Variants in CATSPER3 observed in about 807,000 individuals in gnomAD.
The protein encoded by CATSPER3 is cation channel sperm associated 3.
A neutral mutation model predicts 36.6 loss-of-function variants in CATSPER3; 23 were observed. The ratio of observed to expected loss-of-function variants is 0.63; its 90% confidence interval spans 0.45 to 0.89. The LOEUF (loss-of-function observed/expected upper bound fraction) is 0.89, where lower values mean the gene tolerates loss of function less well. CATSPER3 is among the 40% of genes least tolerant of loss of function. CATSPER3 has a pLI of 0.00. For missense variants in CATSPER3, 474 were observed against 503.9 expected, an observed-to-expected ratio of 0.94 and a Z score of 0.57; for synonymous variants, 172 against 184.1, an observed-to-expected ratio of 0.93 and a Z score of 0.53.
intron 2 of CATSPER3, among the ~76,000 whole-genome samples, chr5:134,993,380 T>C (rs1477569482): frequency 6.6e-6 from 1 of 152,176 alleles, no homozygotes; most frequent in Non-Finnish European, 1.5e-5. Context: ...CTGGAAATGG[T>C]AGTAATAGTT....
chr5:134,981,944 A>G (rs566239408), intron 2 of CATSPER3, among the ~76,000 whole-genome samples: 9 of 152,336 alleles, frequency 5.9e-5, no homozygotes, highest in Admixed American at 2.6e-4. Flanking sequence ...AGCCTGGCCA[A>G]TGTGGTGAAA....
At chr5:134,993,757 G>A (rs1039264690) in intron 2 of CATSPER3, among the ~76,000 whole-genome samples, 2 of 152,278 alleles carry the variant, frequency 1.3e-5, no homozygotes, top group Non-Finnish European at 2.9e-5. Flanking sequence ...CATTGTCTTA[G>A]TTTAAAATTT....
intron 2 of CATSPER3, among the ~76,000 whole-genome samples, chr5:134,991,977 C>A (rs1325608288): frequency 6.6e-6 from 1 of 151,946 alleles, no homozygotes; most frequent in Non-Finnish European, 1.5e-5. Flanking sequence ...CAAAAATTAG[C>A]CAGGTGTGGT....
intron 2 of CATSPER3, among the ~76,000 whole-genome samples, chr5:134,979,941 CATTTCCCACCCTT>C (rs1751728974): frequency 1.4e-5 from 2 of 139,450 alleles, no homozygotes; most frequent in South Asian, 4.7e-4. Flanking sequence ...CTCCCACCCT[CATTTCCCACCCTT>C]CCCTCCCTCC....
intron 2 of CATSPER3, among the ~76,000 whole-genome samples, chr5:134,988,198 C>T (rs1009930828): frequency 7.2e-5 from 11 of 152,120 alleles, no homozygotes; most frequent in Non-Finnish European, 1.5e-4. Flanking sequence ...TAAAAAATGC[C>T]AACAATCATC....
intron 2 of CATSPER3, among the ~76,000 whole-genome samples, chr5:134,992,113 C>T (rs992256440): frequency 1.3e-5 from 2 of 150,386 alleles, no homozygotes; most frequent in Non-Finnish European, 3.0e-5. Context: ...CAGAGCAAGA[C>T]CCTGTTTTGA....
At chr5:134,968,241 G>T (rs1185578016) in intron 1 of CATSPER3, 152 bp downstream of exon 1, 1 of 673,522 alleles carries the variant, frequency 1.5e-6, no homozygotes, top group African/African-American at 1.8e-5. Context: ...TCTATGATTG[G>T]TGAGGCTGGC....
chr5:135,005,223 C>G lies in CATSPER3; in HGVS notation c.493-2734C>G, dbSNP rs1227809540. On this transcript the variant is annotated intron_variant, in intron 3 of 7. Coordinates refer to ENST00000282611, the MANE Select transcript of CATSPER3 (RefSeq NM_178019.3). ...CCTGATTAGAAGGCAAAGGCTCCTG[C>G]TGGCCAAGGGCTGTATCCCAGAGCA... Among the ~76,000 whole-genome samples, 6 of 152,352 alleles carry G rather than the reference C, an allele frequency of 3.9e-5. No homozygotes were observed. The East Asian group carries it at 1.2e-3, about 29-fold the overall frequency.
intron 2 of CATSPER3, 67 bp from the exon 3 acceptor site, chr5:134,996,206 G>T: frequency 7.5e-6 from 12 of 1,609,158 alleles, no homozygotes; most frequent in Non-Finnish European, 1.0e-5. Flanking sequence ...GCTCACGCAG[G>T]GAGCAGGCCA....
chr5:134,972,659 T>C (rs1254281659), intron 2 of CATSPER3, among the ~76,000 whole-genome samples: 5 of 151,736 alleles, frequency 3.3e-5, no homozygotes, highest in Admixed American at 2.0e-4. Context: ...AAAAATCCAG[T>C]GTAATGACAA....
At chr5:135,009,817 A>C (rs1447688577) in intron 6 of CATSPER3, among the ~76,000 whole-genome samples, 1 of 152,194 alleles carries the variant, frequency 6.6e-6, no homozygotes, top group African/African-American at 2.4e-5. Flanking sequence ...GATGCCAGGC[A>C]GCCATGGCCC....
At chr5:135,009,792 C>G (rs1752155732) in intron 6 of CATSPER3, among the ~76,000 whole-genome samples, 1 of 152,232 alleles carries the variant, frequency 6.6e-6, no homozygotes, top group Non-Finnish European at 1.5e-5. Context: ...GAGGCTTCTT[C>G]TTGGGGACTC....
At chr5:134,986,353 A>G (rs1481333695) in intron 2 of CATSPER3, among the ~76,000 whole-genome samples, 3 of 151,982 alleles carry the variant, frequency 2.0e-5, no homozygotes, top group African/African-American at 4.8e-5. Context: ...CATGTTGGTC[A>G]GGCTGGTCTC....
chr5:134,988,333 GACA>G lies in CATSPER3; in HGVS notation c.253-7935_253-7933del, dbSNP rs201025249. On this transcript the variant is annotated intron_variant, in intron 2 of 7. Transcript: ENST00000282611. ...TGTCTGTGGCAATTTCTTAAAATAAGACAACAAGGAAGTTTGCCACATCAATTG... is the reference window on the plus strand; with the variant it reads ...TGTCTGTGGCAATTTCTTAAAATAAGACAAGGAAGTTTGCCACATCAATTG... Among the ~76,000 whole-genome samples the G allele has an allele frequency of 6.5e-3, 997 of 152,218 alleles. 14 individuals carry two copies. The highest frequency in any genetic ancestry group is 0.022 in the African/African-American group (901 of 41,544).
intron 3 of CATSPER3, among the ~76,000 whole-genome samples, chr5:134,997,914 T>C (rs1040191054): frequency 6.6e-6 from 1 of 152,164 alleles, no homozygotes; most frequent in African/African-American, 2.4e-5. Flanking sequence ...CAGTATTTCT[T>C]TTTTTTGTTG....
intron 2 of CATSPER3, among the ~76,000 whole-genome samples, chr5:134,974,682 G>A (rs1382736706): frequency 6.6e-6 from 1 of 152,128 alleles, no homozygotes; most frequent in Non-Finnish European, 1.5e-5. Flanking sequence ...GAAAAGGTTA[G>A]CATAAACATA....
chr5:134,989,585 C>T (rs953160862), intron 2 of CATSPER3, among the ~76,000 whole-genome samples: 2 of 152,224 alleles, frequency 1.3e-5, no homozygotes, highest in Admixed American at 1.3e-4. Context: ...AGCTTTTCTC[C>T]GGCAGCCTCC....
chr5:134,972,550 GAA>G (rs1184460727), intron 2 of CATSPER3, among the ~76,000 whole-genome samples: 3 of 152,220 alleles, frequency 2.0e-5, no homozygotes, highest in African/African-American at 7.2e-5. Flanking sequence ...TAGCTTAAGA[GAA>G]GTATAGGATT....
intron 2 of CATSPER3, among the ~76,000 whole-genome samples, chr5:134,990,555 C>T (rs1273593409): frequency 6.6e-6 from 1 of 152,130 alleles, no homozygotes; most frequent in Non-Finnish European, 1.5e-5. Flanking sequence ...AGATATTTTC[C>T]TTTCACAATA....
Sources: gnomAD v4.1 joint callset for allele counts (sites outside exome capture counted in the v4.1 genomes callset) on GRCh38, gnomAD v4.1.1 for gene constraint, MANE v1.5 for transcripts, NCBI Gene and HGNC (gene_info 2026-07-23, HGNC 2026-07-21) for gene names.